Variants in SULF2 observed in about 807,000 individuals in gnomAD.
SULF2 encodes the protein sulfatase 2.
A neutral mutation model predicts 107.7 loss-of-function variants in SULF2; 52 were observed. That is an observed-to-expected ratio of 0.48 (90% CI 0.39 to 0.61). The LOEUF is 0.61. SULF2 is among the 20% of genes least tolerant of loss of function. The probability of loss-of-function intolerance (pLI) is 0.00; values close to 1 mark genes in which losing one functional copy is unlikely to be tolerated. For missense variants in SULF2, 993 were observed against 1,177.3 expected (o/e 0.84, Z 2.29); for synonymous variants, 460 against 464.3 (o/e 0.99, Z 0.12).
chr20:47,718,307 A>C (rs568212336), intron 3 of SULF2, among the ~76,000 whole-genome samples: 1 of 152,268 alleles, frequency 6.6e-6, no homozygotes, highest in South Asian at 2.1e-4. Flanking sequence ...AAATATGTTA[A>C]CTGCCTCTAA....
chr20:47,676,894 G>A (rs982485049), intron 9 of SULF2, among the ~76,000 whole-genome samples, 184 bp downstream of exon 9: 14 of 152,230 alleles, frequency 9.2e-5, no homozygotes, highest in East Asian at 3.9e-4. Context: ...AAGCGTACAC[G>A]TGACCTCAGA....
chr20:47,674,241 C>T (rs1474479697), intron 10 of SULF2, among the ~76,000 whole-genome samples: 1 of 152,264 alleles, frequency 6.6e-6, no homozygotes, highest in Non-Finnish European at 1.5e-5. Flanking sequence ...TGGCCCGTCC[C>T]GAGGCTGTCC....
At chr20:47,770,442 C>T (rs954027358) in intron 1 of SULF2, among the ~76,000 whole-genome samples, 1 of 152,068 alleles carries the variant, frequency 6.6e-6, no homozygotes, top group Admixed American at 6.5e-5. Flanking sequence ...AGGGAGGCCA[C>T]TGAGATGACT....
At chr20:47,700,737 C>G (rs372674659) in intron 4 of SULF2, among the ~76,000 whole-genome samples, 91 of 151,526 alleles carry the variant, frequency 6.0e-4, no homozygotes, top group African/African-American at 2.0e-3. Context: ...CCTCTGCCTC[C>G]CGGGTTCACA....
chr20:47,727,753 C>G (rs951406758), intron 3 of SULF2, among the ~76,000 whole-genome samples: 32 of 152,218 alleles, frequency 2.1e-4, no homozygotes, highest in African/African-American at 7.5e-4. Context: ...TGTCACAACA[C>G]TGCTGCACAG....
chr20:47,736,680 C>A, intron 3 of SULF2, 23 bp downstream of exon 3: 2 of 1,613,700 alleles, frequency 1.2e-6, no homozygotes, highest in East Asian at 4.5e-5. Context: ...TCCCTTCCTG[C>A]ACCTGCCCCC....
At chr20:47,737,166 G>A (rs1273230188) in intron 2 of SULF2, among the ~76,000 whole-genome samples, 1 of 152,154 alleles carries the variant, frequency 6.6e-6, no homozygotes, top group Non-Finnish European at 1.5e-5. Flanking sequence ...TCCAGGTCTG[G>A]AGTCTGGAGG....
intron 4 of SULF2, among the ~76,000 whole-genome samples, chr20:47,701,837 G>C (rs2088579647): frequency 2.6e-5 from 4 of 152,194 alleles, no homozygotes; most frequent in Admixed American, 2.6e-4. Context: ...CGCGGGAGGG[G>C]TGTCGAGTCG....
rs1251060912 is a variant in SULF2, at chr20:47,661,883, A to G, written c.2384T>C (p.Val795Ala). ...GAGGACATCCCTGTCCAGTGTGTTC[A>G]CTGCATTCATCAGCTGGTTGCAAAA... is the stretch of plus-strand genomic sequence containing the variant. Reference protein sequence around the residue: ...NTDPYQLMNAVNTLDRDVLNQ... With the variant: ...NTDPYQLMNAANTLDRDVLNQ... The change falls in exon 18 of 21, where the codon GTG (valine) becomes GCG (alanine). Residue 795 changes from valine to alanine, a missense_variant. Transcript: ENST00000688720. 3 of 1,567,848 alleles carry G rather than the reference A, an allele frequency of 1.9e-6. No homozygotes were observed. The highest frequency in any genetic ancestry group is 2.7e-5 in the African/African-American group (2 of 74,126).
At position 47,678,834 on chromosome 20, in the gene SULF2, T is replaced by C. The variant is rs1418588876; in HGVS notation, c.1065-30A>G. On this transcript the variant is annotated intron_variant, in intron 7 of 20. Coordinates refer to ENST00000688720, the MANE Select transcript of SULF2 (RefSeq NM_001387048.1). This position sits in a 1 kb window ranked among gnomAD's most constrained non-coding sequence, Gnocchi z 4.5. ...GGGAGGCAGGAGATCGGGGACTCAG[T>C]CACTCAGGTGGTGGTGCCTCAGCCT... 6.2e-6 allele frequency: 10 copies of C among 1,608,202 alleles called. No individual in the cohort carries two copies. The highest frequency in any genetic ancestry group is 8.5e-6 in the Non-Finnish European group (10 of 1,177,078).
intron 18 of SULF2, among the ~76,000 whole-genome samples, chr20:47,660,105 G>C: frequency 6.6e-6 from 1 of 152,186 alleles, no homozygotes; most frequent in East Asian, 1.9e-4. Flanking sequence ...TTGGGCTCTG[G>C]GGAAGTTTTC....
chr20:47,664,000 AG>A (rs765864966), intron 15 of SULF2, 129 bp downstream of exon 15: 29 of 981,330 alleles, frequency 3.0e-5, no homozygotes, highest in Non-Finnish European at 4.4e-5. Flanking sequence ...GGCCTCTTCG[AG>A]GGCTACCGTG....
Position 47,700,834 on chromosome 20 carries a change from C to T in SULF2, c.567+1685G>A, listed in dbSNP as rs568149655. On this transcript the variant is annotated intron_variant, in intron 4 of 20. Transcript: ENST00000688720. ...CTAATTTTTGTATTCTTAGTGGAGACGGGGTTTCACCATGTTGGCCAGGCT... is the reference window on the plus strand; with the variant it reads ...CTAATTTTTGTATTCTTAGTGGAGATGGGGTTTCACCATGTTGGCCAGGCT... Among the ~76,000 whole-genome samples the T allele has an allele frequency of 2.6e-5, 4 of 152,052 alleles. No homozygotes were observed. In the East Asian group the frequency reaches 5.8e-4, roughly 22 times the overall value.
At chr20:47,760,434 C>A (rs872111) in intron 1 of SULF2, among the ~76,000 whole-genome samples, 1 of 151,868 alleles carries the variant, frequency 6.6e-6, no homozygotes, top group Non-Finnish European at 1.5e-5. Context: ...CTGGCTCTAG[C>A]GTCTCCCCAG....
At chr20:47,752,835 C>A (rs183772602) in intron 2 of SULF2, among the ~76,000 whole-genome samples, 123 of 152,208 alleles carry the variant, frequency 8.1e-4, no homozygotes, top group Non-Finnish European at 1.4e-3. Flanking sequence ...GGTGTGGTGG[C>A]TCACGCCTGC....
chr20:47,757,182 G>A lies in SULF2; in HGVS notation c.175+7C>T, dbSNP rs1391544260. On this transcript the variant is annotated splice_region_variant and intron_variant, in intron 2 of 20. Coordinates refer to ENST00000688720, the MANE Select transcript of SULF2 (RefSeq NM_001387048.1). ...CCGAGGTGCCACCCTGGGGCCCCGA[G>A]GCTTACCCAGCTCCACATCCTGGTC... 1 of 1,548,618 alleles carries A rather than the reference G, an allele frequency of 6.5e-7. No homozygotes were observed. Among genetic ancestry groups the A allele is most frequent in the Non-Finnish European group, 8.7e-7 (1 of 1,144,014 alleles).
chr20:47,668,791 C>T (rs1240536322), intron 11 of SULF2, among the ~76,000 whole-genome samples: 3 of 152,148 alleles, frequency 2.0e-5, no homozygotes, highest in South Asian at 4.1e-4. Context: ...CTCTCCACGC[C>T]GGTGACCGCC....
chr20:47,744,241 G>A (rs549554003), intron 2 of SULF2, among the ~76,000 whole-genome samples: 5 of 152,178 alleles, frequency 3.3e-5, no homozygotes, highest in South Asian at 2.1e-4. Context: ...GGAGTGCAGC[G>A]GCGCGATCTC....
rs542215995 is a variant in SULF2, at chr20:47,671,617, C to T, written c.1576+581G>A. Among the ~76,000 whole-genome samples the T allele has an allele frequency of 3.6e-4, 55 of 152,218 alleles. No individual in the cohort carries two copies. In the East Asian group the frequency reaches 6.8e-3, roughly 19 times the overall value. ...TCACCACAAACACTGACTAATTGAA[C>T]GCTGAAACATGGCTCCTAGGGGAAG... On this transcript the variant is annotated intron_variant, in intron 11 of 20. Transcript: ENST00000688720.
Sources: allele counts gnomAD v4.1 joint callset (sites outside exome capture counted in the v4.1 genomes callset), GRCh38; gene constraint gnomAD v4.1.1; non-coding constraint Gnocchi (gnomAD v3.1); transcripts MANE v1.5; gene names NCBI Gene and HGNC (gene_info 2026-07-23, HGNC 2026-07-21).